The following CHD4 variants were observed in gnomAD, a reference collection of about 807,000 sequenced individuals.
CHD4 encodes the protein chromodomain helicase DNA binding protein 4.
In CHD4, 35 loss-of-function variants were observed where a neutral mutation model predicts 235.5. The observed-to-expected ratio is 0.15, with a 90% CI of 0.11 to 0.20. CHD4 has a LOEUF of 0.20. Ranked by LOEUF, CHD4 falls within the 10% of genes least tolerant of loss-of-function variation. CHD4 has a pLI of 1.00. For synonymous variants in CHD4, 900 were observed against 850.2 expected (o/e 1.06, Z -1.02); for missense variants, 1,329 against 2,432.3 (o/e 0.55, Z 9.54).
Position 6,588,261 on chromosome 12 carries a change from A to T in CHD4, c.3465+37T>A, listed in dbSNP as rs1371993985. 3 of 1,607,600 alleles carry T rather than the reference A, an allele frequency of 1.9e-6. No individual in the cohort carries two copies. In the South Asian group the frequency reaches 3.3e-5, roughly 18 times the overall value. On this transcript the variant is annotated intron_variant, in intron 23 of 39. Transcript: ENST00000544040. The stretch of plus-strand genomic sequence containing the variant: ...GGCCACTATGCCTTTCTAGCATAAC[A>T]TGTTACTTATTAAGGCTGCCTGCTG...
At chr12:6,576,255 G>A (rs1024235736) in intron 37 of CHD4, among the ~76,000 whole-genome samples, 1 of 152,156 alleles carries the variant, frequency 6.6e-6, no homozygotes, top group African/African-American at 2.4e-5. Context: ...TACTCGGGAG[G>A]CTGAGGCAGG....
chr12:6,575,245 T>A (rs187423799), intron 37 of CHD4, among the ~76,000 whole-genome samples: 39 of 152,120 alleles, frequency 2.6e-4, no homozygotes, highest in South Asian at 1.5e-3. Flanking sequence ...GTCCAGAATT[T>A]GAGACCAGCC....
chr12:6,577,653 T>C lies in CHD4; in HGVS notation c.5361+132A>G, dbSNP rs1283660450. Reference sequence around the variant, plus strand: ...TCTTCAACCCTAATGTGTAAGTTACTTGGGAGCAAAGCCTTCCATAGAATG... The same window carrying C: ...TCTTCAACCCTAATGTGTAAGTTACCTGGGAGCAAAGCCTTCCATAGAATG... On this transcript the variant is annotated intron_variant, in intron 37 of 39. Coordinates refer to ENST00000544040, the MANE Select transcript of CHD4 (RefSeq NM_001273.5). 6.5e-6 allele frequency: 8 copies of C among 1,237,940 alleles called. No homozygotes were observed. In the Admixed American group the frequency reaches 8.2e-5, roughly 13 times the overall value. The allele number at this position is 1,237,940 out of a possible 1,614,324, so 76.7% of individuals were successfully genotyped here.
chr12:6,588,257 T>C (rs1948334440), intron 23 of CHD4, 41 bp downstream of exon 23: 4 of 1,603,820 alleles, frequency 2.5e-6, no homozygotes, highest in African/African-American at 1.3e-5. Context: ...CTTTCTAGCA[T>C]AACATGTTAC....
chr12:6,595,965 A>C (rs746126059), intron 13 of CHD4, 41 bp downstream of exon 13: 4 of 1,573,002 alleles, frequency 2.5e-6, no homozygotes, highest in Non-Finnish European at 8.6e-7. Flanking sequence ...TCAAAAAAAA[A>C]AAAAAAGAAA....
At chr12:6,596,628 C>T (rs1456466851) in intron 12 of CHD4, among the ~76,000 whole-genome samples, 1 of 151,966 alleles carries the variant, frequency 6.6e-6, no homozygotes, top group Non-Finnish European at 1.5e-5. Flanking sequence ...GGAGAAACCC[C>T]GTCTCTACTA....
At chr12:6,587,673 C>G in intron 24 of CHD4, 39 bp downstream of exon 24, 1 of 1,608,650 alleles carries the variant, frequency 6.2e-7, no homozygotes, top group Non-Finnish European at 8.5e-7. Context: ...TTAGAGAGGC[C>G]AAGCCCCACA....
At chr12:6,571,179 C>CA in intron 38 of CHD4, 147 bp from the exon 39 acceptor site, 1 of 888,644 alleles carries the variant, frequency 1.1e-6, no homozygotes, top group Non-Finnish European at 1.7e-6. Context: ...CCACCATGTT[C>CA]AAATTCCTAC....
chr12:6,598,351 C>G lies in CHD4; in HGVS notation c.1557G>C (p.Val519=), dbSNP rs1565615889. The change falls in exon 11 of 40, where the codon GTG becomes GTC. Residue 519 remains valine, a synonymous_variant. Coordinates refer to ENST00000544040, the MANE Select transcript of CHD4 (RefSeq NM_001273.5). The stretch of plus-strand genomic sequence containing the variant: ...TGGGATCAGCATCTGGAGGCCGAGG[C>G]ACTGGTGTGGGAGATGGTGGCTGAC... The part of the protein sequence containing the change: ...KWGQPPSPTP[V]PRPPDADPNT... 3 of 1,614,140 alleles carry G rather than the reference C, an allele frequency of 1.9e-6. No individual in the cohort carries two copies. The highest frequency in any genetic ancestry group is 2.5e-6 in the Non-Finnish European group (3 of 1,179,990).
At chr12:6,572,891 C>A in intron 38 of CHD4, 183 bp downstream of exon 38, 1 of 527,624 alleles carries the variant, frequency 1.9e-6, no homozygotes. Flanking sequence ...AAAAAAAAGG[C>A]AAAGAACTAC....
At chr12:6,582,815 A>G in intron 28 of CHD4, 33 bp downstream of exon 28, 2 of 1,613,764 alleles carry the variant, frequency 1.2e-6, no homozygotes, top group East Asian at 2.2e-5. Flanking sequence ...AATATCTGAC[A>G]CTCACCCCTC....
At chr12:6,585,504 G>T (rs1432876321) in intron 25 of CHD4, among the ~76,000 whole-genome samples, 1 of 151,762 alleles carries the variant, frequency 6.6e-6, no homozygotes, top group African/African-American at 2.4e-5. Context: ...GGATGGGCTC[G>T]ATCTCTTGAC....
In CHD4 at chr12:6,581,111, T is replaced by G. The variant is rs142642013; in HGVS notation, c.4842A>C (p.Gly1614=). 25 of 1,613,858 alleles carry G rather than the reference T, an allele frequency of 1.5e-5. No individual in the cohort carries two copies. In the Admixed American group the frequency reaches 2.0e-4, roughly 13 times the overall value. Residue 1614 remains glycine (G), a synonymous_variant, in exon 33 of 40, where the codon GGA becomes GGC. Transcript: ENST00000544040. Reference sequence around the variant, plus strand: ...CCTCTGCCTTTTCCACTTTCTCCTCTCCCTCAGGGGGTTCAACAACGACCT... The same window carrying G: ...CCTCTGCCTTTTCCACTTTCTCCTCGCCCTCAGGGGGTTCAACAACGACCT... ...DEKVVVEPPE[G]EEKVEKAEVK...
chr12:6,587,640 G>A, intron 24 of CHD4, 72 bp downstream of exon 24: 1 of 1,603,952 alleles, frequency 6.2e-7, no homozygotes, highest in Middle Eastern at 1.7e-4. Flanking sequence ...AAGACCCTTG[G>A]TATCAAAGAT....
rs372865017 is a variant in CHD4, at chr12:6,587,055, C to T, written c.3879+329G>A. On this transcript the variant is annotated intron_variant, in intron 25 of 39. Transcript: ENST00000544040. ...CACAAAGAGATAGATTACCTAGGATCTTCTGCCTTTTCTCTAGAGAGATGA... is the reference window on the plus strand; with the variant it reads ...CACAAAGAGATAGATTACCTAGGATTTTCTGCCTTTTCTCTAGAGAGATGA... 1.3e-4 allele frequency: 31 copies of T among 246,086 alleles called. 1 individual carries two copies. The South Asian group carries it at 1.6e-3, about 13-fold the overall frequency. 15.2% of individuals were successfully genotyped at this position (246,086 alleles called of 1,614,324 possible).
chr12:6,576,559 C>A (rs947706558), intron 37 of CHD4, among the ~76,000 whole-genome samples: 1 of 152,182 alleles, frequency 6.6e-6, no homozygotes, highest in Non-Finnish European at 1.5e-5. Context: ...AAGCAATCAG[C>A]TCTTTTAAAT....
chr12:6,588,677 C>T (rs1364745295), intron 22 of CHD4, among the ~76,000 whole-genome samples: 10 of 151,832 alleles, frequency 6.6e-5, no homozygotes, highest in African/African-American at 1.7e-4. Flanking sequence ...ACTCAGGAGA[C>T]TGAGGCAGGA....
chr12:6,587,137 A>G (rs781066880), intron 25 of CHD4: 7 of 492,448 alleles, frequency 1.4e-5, no homozygotes, highest in African/African-American at 2.0e-5. Flanking sequence ...AGAAAATGAC[A>G]TTCTGGTAAA....
intron 37 of CHD4, among the ~76,000 whole-genome samples, chr12:6,576,706 A>C (rs1948077767): frequency 6.6e-6 from 1 of 151,926 alleles, no homozygotes; most frequent in Non-Finnish European, 1.5e-5. Context: ...CCCGGGTTCA[A>C]GCGATTCTGG....
Sources: allele counts gnomAD v4.1 joint callset (sites outside exome capture counted in the v4.1 genomes callset), GRCh38; gene constraint gnomAD v4.1.1; transcripts MANE v1.5; gene names NCBI Gene and HGNC (gene_info 2026-07-23, HGNC 2026-07-21).